Variants in DNAH9 observed in about 807,000 individuals in gnomAD.
DNAH9 encodes dynein axonemal heavy chain 9.
In DNAH9, 345 loss-of-function variants were observed where a neutral mutation model predicts 471.6. The observed-to-expected ratio is 0.73, with a 90% CI of 0.67 to 0.80. The LOEUF (loss-of-function observed/expected upper bound fraction) is 0.80. DNAH9 is among the 30% of genes least tolerant of loss of function. The pLI is 0.00. For synonymous variants in DNAH9, 2,093 were observed against 2,123.6 expected (o/e 0.99, Z 0.40); for missense variants, 5,407 against 5,609.2 (o/e 0.96, Z 1.15).
At chr17:11,969,252 G>A in intron 68 of DNAH9, 48 bp from the exon 69 acceptor site, 1 of 1,547,866 alleles carries the variant, frequency 6.5e-7, no homozygotes. Flanking sequence ...CTGGTTGGCT[G>A]GGCTCTGGGT....
At position 11,817,997 on chromosome 17, in the gene DNAH9, G is replaced by A. The variant is rs534899211; in HGVS notation, c.8708-3923G>A. On this transcript the variant is annotated intron_variant, in intron 45 of 68. Transcript: ENST00000262442. ...GAAGTCCGTAATTTGCTGGAAAGTT[G>A]GCATGAGTTTCCTCCAGATACAGTA... Among the ~76,000 whole-genome samples, 6 of 152,268 alleles carry A rather than the reference G, an allele frequency of 3.9e-5. No homozygotes were observed. The South Asian group carries it at 1.2e-3, about 32-fold the overall frequency.
chr17:11,703,135 T>C (rs2074633935), intron 24 of DNAH9, among the ~76,000 whole-genome samples: 1 of 148,956 alleles, frequency 6.7e-6, no homozygotes, highest in South Asian at 2.2e-4. Flanking sequence ...TCACAGTGAA[T>C]GTGTGTGAAT....
intron 38 of DNAH9, among the ~76,000 whole-genome samples, chr17:11,778,559 C>T (rs763283827): frequency 6.6e-6 from 1 of 151,942 alleles, no homozygotes; most frequent in Non-Finnish European, 1.5e-5. Context: ...GTATTCTTGT[C>T]TGCCGTTTTG....
At chr17:11,691,606 C>T (rs943617496) in intron 20 of DNAH9, among the ~76,000 whole-genome samples, 7 of 152,166 alleles carry the variant, frequency 4.6e-5, no homozygotes, top group African/African-American at 1.7e-4. Flanking sequence ...TTTCTCCCAA[C>T]TTTGGTTCAT....
chr17:11,824,864 G>GCC (rs1567828578), intron 48 of DNAH9, among the ~76,000 whole-genome samples: 1 of 147,300 alleles, frequency 6.8e-6, no homozygotes, highest in East Asian at 1.9e-4. Flanking sequence ...TTTCAGTACT[G>GCC]TCTTCTCCTT....
intron 26 of DNAH9, among the ~76,000 whole-genome samples, chr17:11,708,998 T>C (rs1270163952): frequency 6.6e-6 from 1 of 152,126 alleles, no homozygotes; most frequent in Non-Finnish European, 1.5e-5. Flanking sequence ...AATATTTCCA[T>C]CCTTTCCACC....
intron 38 of DNAH9, among the ~76,000 whole-genome samples, chr17:11,771,788 C>T (rs77127077): frequency 6.6e-6 from 1 of 152,096 alleles, no homozygotes; most frequent in African/African-American, 2.4e-5. Context: ...ACTACTACTA[C>T]TAATAATAAT....
At chr17:11,662,747 CTTTTTTTTTTT>C (rs71142226) in intron 14 of DNAH9, among the ~76,000 whole-genome samples, 1 of 45,436 alleles carries the variant, frequency 2.2e-5, no homozygotes, top group Non-Finnish European at 3.8e-5. Context: ...TTGAGGCTCG[CTTTTTTTTTTT>C]TTTTTTTTTT....
chr17:11,602,041 TC>T (rs2072397679), intron 1 of DNAH9, among the ~76,000 whole-genome samples: 1 of 152,194 alleles, frequency 6.6e-6, no homozygotes, highest in African/African-American at 2.4e-5. Context: ...TTCTCCTACT[TC>T]CTTACTTCCT....
intron 49 of DNAH9, among the ~76,000 whole-genome samples, chr17:11,844,739 T>G (rs1971153213): frequency 2.0e-5 from 3 of 152,164 alleles, no homozygotes; most frequent in Admixed American, 2.0e-4. Context: ...ACTTTTAAGT[T>G]CAGGGTACAT....
intron 67 of DNAH9, among the ~76,000 whole-genome samples, chr17:11,958,750 T>G (rs1421701232): frequency 1.3e-5 from 2 of 150,782 alleles, no homozygotes; most frequent in Non-Finnish European, 3.0e-5. Flanking sequence ...AAAAATAAAG[T>G]ATATTAAGAA....
At chr17:11,839,264 C>A (rs921180417) in intron 49 of DNAH9, among the ~76,000 whole-genome samples, 9 of 152,140 alleles carry the variant, frequency 5.9e-5, no homozygotes, top group African/African-American at 2.2e-4. Flanking sequence ...CGCCTGTAAT[C>A]CCAGCACTTT....
rs766514430 is a variant in DNAH9 at position 11,898,165 on chromosome 17, G to A, written c.11406+3669G>A. Among the ~76,000 whole-genome samples, 36 of 148,790 alleles carry A rather than the reference G, an allele frequency of 2.4e-4. 1 individual carries two copies. The Middle Eastern group carries it at 0.014, about 57-fold the overall frequency. Reference sequence around the variant, plus strand: ...TTTTGAGGCGGAGTCTCGCTGTGTCGCCAGGCTGGAGTGCAGTGGCGAAAT... The same window carrying A: ...TTTTGAGGCGGAGTCTCGCTGTGTCACCAGGCTGGAGTGCAGTGGCGAAAT... On this transcript the variant is annotated intron_variant, in intron 59 of 68. Coordinates refer to ENST00000262442, the MANE Select transcript of DNAH9 (RefSeq NM_001372.4).
intron 14 of DNAH9, among the ~76,000 whole-genome samples, chr17:11,660,664 G>T (rs2150715198): frequency 6.6e-6 from 1 of 152,206 alleles, no homozygotes; most frequent in Admixed American, 6.5e-5. Context: ...TTTGAAGTTT[G>T]TTGTTTAATT....
intron 49 of DNAH9, among the ~76,000 whole-genome samples, chr17:11,851,358 T>A (rs1008442993): frequency 1.3e-5 from 2 of 152,004 alleles, no homozygotes; most frequent in African/African-American, 4.8e-5. Flanking sequence ...CCTTAGGTGA[T>A]CTCCCTTCTC....
intron 61 of DNAH9, among the ~76,000 whole-genome samples, chr17:11,911,748 T>C (rs2151019995): frequency 6.6e-6 from 1 of 152,318 alleles, no homozygotes; most frequent in African/African-American, 2.4e-5. Flanking sequence ...TAGCTTTCTT[T>C]AAGTTCTTTT....
intron 38 of DNAH9, among the ~76,000 whole-genome samples, chr17:11,778,329 CA>C (rs57983162): frequency 0.043 from 2,098 of 48,604 alleles, 31 homozygotes; most frequent in South Asian, 0.053. Flanking sequence ...GACTCCATCT[CA>C]AAAAAAAAAA....
At chr17:11,797,309 C>G (rs887152151) in intron 42 of DNAH9, among the ~76,000 whole-genome samples, 1 of 152,202 alleles carries the variant, frequency 6.6e-6, no homozygotes, top group Non-Finnish European at 1.5e-5. Flanking sequence ...CCCATCCATT[C>G]TTCTCACAGA....
intron 24 of DNAH9, among the ~76,000 whole-genome samples, chr17:11,703,064 G>T (rs1165194476): frequency 6.7e-6 from 1 of 148,900 alleles, no homozygotes. Context: ...CTGCACTCCA[G>T]CCTGGGTGAC....
Sources: gnomAD v4.1 joint callset for allele counts (sites outside exome capture counted in the v4.1 genomes callset) on GRCh38, gnomAD v4.1.1 for gene constraint, MANE v1.5 for transcripts, NCBI Gene and HGNC (gene_info 2026-07-23, HGNC 2026-07-21) for gene names.